TLCD3B: variants seen among roughly 807,000 people sequenced by gnomAD.
TLCD3B encodes the protein ceramide synthase.
A neutral mutation model predicts 23.0 loss-of-function variants in TLCD3B; 9 were observed. The ratio of observed to expected loss-of-function variants is 0.39; its 90% CI spans 0.24 to 0.68. The LOEUF (loss-of-function observed/expected upper bound fraction) is 0.68. Ranked by LOEUF, TLCD3B falls within the 30% of genes least tolerant of loss-of-function variation. The probability of loss-of-function intolerance (pLI) is 0.44; values close to 1 mark genes in which losing one functional copy is unlikely to be tolerated. For synonymous variants in TLCD3B, 161 were observed against 161.0 expected (o/e 1.00, Z 0.00); for missense variants, 307 against 371.8 (o/e 0.83, Z 1.43).
intron 3 of TLCD3B, among the ~76,000 whole-genome samples, chr16:30,040,655 TTTC>T (rs2150993528): frequency 1.3e-5 from 2 of 151,424 alleles, no homozygotes; most frequent in South Asian, 4.2e-4. Flanking sequence ...TTATTTTCTT[TTTC>T]TTTTTTTTTA....
At chr16:30,028,635 C>T (rs533071822) in intron 2 of TLCD3B, among the ~76,000 whole-genome samples, 1 of 152,318 alleles carries the variant, frequency 6.6e-6, no homozygotes, top group African/African-American at 2.4e-5. Flanking sequence ...GAAGAGGCAA[C>T]TCATCTTCGG....
chr16:30,050,915 T>C (rs2071739461), intron 1 of TLCD3B, among the ~76,000 whole-genome samples: 1 of 152,142 alleles, frequency 6.6e-6, no homozygotes, highest in African/African-American at 2.4e-5. Context: ...GTCGGAGGCC[T>C]CCATAGAGAG....
intron 2 of TLCD3B, chr16:30,027,098 GGAAAA>G (rs754975943): frequency 4.6e-5 from 28 of 602,726 alleles, no homozygotes; most frequent in South Asian, 1.2e-4. Flanking sequence ...TATAGTCGGG[GGAAAA>G]GAAAAGACCA....
Position 30,025,221 on chromosome 16 carries a change from G to C in TLCD3B, c.787C>G (p.Arg263Gly). ...CRGACRLFWP[R>G]SRPPPACQAQ... is the part of the protein sequence containing the mutation. Reference sequence around the variant, plus strand: ...TGGCAGGCCGGGGGCGGCCGGGAGCGGGGCCAGAAGAGGCGGCAGGCCCCA... The same window carrying C: ...TGGCAGGCCGGGGGCGGCCGGGAGCCGGGCCAGAAGAGGCGGCAGGCCCCA... The change falls in exon 5 of 5, where the codon CGC becomes GGC. Residue 263 changes from arginine (R) to glycine (G), a missense_variant. Physicochemically the swap from Arg to Gly is moderately radical, Grantham distance 125 (BLOSUM62 -2). Coordinates refer to ENST00000380495, the MANE Select transcript of TLCD3B (RefSeq NM_031478.6). This position sits in a 1 kb window ranked among gnomAD's most constrained non-coding sequence, Gnocchi z 4.1. The C allele has an allele frequency of 1.3e-6, 2 of 1,506,934 alleles. No individual in the cohort carries two copies. The highest frequency in any genetic ancestry group is 5.0e-5 in the East Asian group (2 of 40,284). 93.3% of individuals were successfully genotyped at this position (1,506,934 alleles called of 1,614,324 possible). A position where few individuals can be genotyped will look rare whatever the true frequency, so the allele number is the denominator to read the frequency against.
chr16:30,045,394 T>A, intron 2 of TLCD3B, among the ~76,000 whole-genome samples: 1 of 133,224 alleles, frequency 7.5e-6, no homozygotes, highest in South Asian at 2.4e-4. Context: ...TGCGTGGGTA[T>A]GGTGTGTGTG....
intron 2 of TLCD3B, among the ~76,000 whole-genome samples, chr16:30,028,763 T>C (rs2071254006): frequency 6.6e-6 from 1 of 152,144 alleles, no homozygotes; most frequent in Non-Finnish European, 1.5e-5. Context: ...GGGGGCGTTG[T>C]GGGCACCTCT....
Position 30,030,726 on chromosome 16 carries a change from C to T in TLCD3B, c.-199G>A. 1.4e-6 allele frequency: 1 copy of T among 722,176 alleles called. No homozygotes were observed. The highest frequency in any genetic ancestry group is 1.6e-6 in the Non-Finnish European group (1 of 643,812). 44.7% of individuals were successfully genotyped at this position (722,176 alleles called of 1,614,324 possible). On this transcript the variant is annotated 5_prime_UTR_variant, in exon 1 of 5. Transcript: ENST00000380495. ...AACTGGGGAGTCGGGAGGGGGCTGG[C>T]TGGGCAGAGACGGGGGAGGGGAGGA... is the stretch of plus-strand genomic sequence containing the variant.
At chr16:30,045,357 GTGTGTGTGTGGTT>G (rs1441942070) in intron 2 of TLCD3B, among the ~76,000 whole-genome samples, 2 of 137,994 alleles carry the variant, frequency 1.4e-5, no homozygotes, top group African/African-American at 5.4e-5. Flanking sequence ...TGTGTGGTGT[GTGTGTGTGTGGTT>G]TGTGTGTGTG....
chr16:30,032,453 G>T (rs2071383767), upstream of TLCD3B, among the ~76,000 whole-genome samples: 1 of 152,064 alleles, frequency 6.6e-6, no homozygotes, highest in African/African-American at 2.4e-5. Context: ...GAAGTCTCAC[G>T]CTGATTTAGA....
chr16:30,050,250 C>T (rs1373099305), intron 1 of TLCD3B, among the ~76,000 whole-genome samples: 1 of 152,084 alleles, frequency 6.6e-6, no homozygotes, highest in African/African-American at 2.4e-5. Flanking sequence ...ACAATAAGAC[C>T]GCCCAAGGCC....
intron 2 of TLCD3B, among the ~76,000 whole-genome samples, chr16:30,027,327 G>C (rs4238960): frequency 0.46 from 70,369 of 151,626 alleles, 16,477 homozygotes; most frequent in African/African-American, 0.51. Context: ...CCCATGCATA[G>C]CCTTATTTAC....
upstream of TLCD3B, among the ~76,000 whole-genome samples, chr16:30,034,538 C>G (rs2071429036): frequency 6.6e-6 from 1 of 152,092 alleles, no homozygotes; most frequent in Admixed American, 6.6e-5. Context: ...CACTGCACTC[C>G]AGCCTAGGCA....
At position 30,026,272 on chromosome 16, in the gene TLCD3B, A is replaced by G. The variant is rs2071128942; in HGVS notation, c.444+337T>C. 2.0e-5 allele frequency among the ~76,000 whole-genome samples: 3 copies of G among 152,062 alleles called. No homozygotes were observed. The South Asian group carries it at 6.2e-4, about 32-fold the overall frequency. On this transcript the variant is annotated intron_variant, in intron 3 of 4. Transcript: ENST00000380495. The stretch of plus-strand genomic sequence containing the variant: ...AAGAGAAAGAACACCTGGGTGCAGG[A>G]GCAGGTGCATGACTTGGCTGCATCC...
intron 3 of TLCD3B, among the ~76,000 whole-genome samples, chr16:30,037,757 T>G (rs1282307359): frequency 6.6e-6 from 1 of 151,932 alleles, no homozygotes; most frequent in African/African-American, 2.4e-5. Context: ...TAGTCCTAAG[T>G]AATTATTGAT....
Position 30,029,584 on chromosome 16 carries a change from T to TAGACTAGCAACGAG in TLCD3B, c.126-70_126-69insCTCGTTGCTAGTCT. On this transcript the variant is annotated intron_variant, in intron 1 of 4. Transcript: ENST00000380495. The surrounding 1 kb of genome is among the most constrained non-coding windows in gnomAD (Gnocchi z 4.6). ...GGCGTGTGCCTTGATTTCTCCTCGT[T>TAGACTAGCAACGAG]GCTAGTCTAACGACTGCGCTTTGCG... 7.5e-7 allele frequency: 1 copy of TAGACTAGCAACGAG among 1,340,536 alleles called. No homozygotes were observed. Among genetic ancestry groups the TAGACTAGCAACGAG allele is most frequent in the Non-Finnish European group, 1.1e-6 (1 of 944,832 alleles). The allele number at this position is 1,340,536 out of a possible 1,614,324, so 83.0% of individuals were successfully genotyped here. A position where few individuals can be genotyped will look rare whatever the true frequency, so the allele number is the denominator to read the frequency against.
upstream of TLCD3B, chr16:30,053,033 G>A (rs1432334252): frequency 2.0e-5 from 3 of 152,330 alleles, no homozygotes; most frequent in African/African-American, 7.2e-5. Flanking sequence ...AAGCTTAGGC[G>A]GGAAGAGGGA....
intron 3 of TLCD3B, among the ~76,000 whole-genome samples, chr16:30,039,023 AG>A (rs1567307279): frequency 2.0e-5 from 3 of 150,824 alleles, no homozygotes; most frequent in Admixed American, 1.3e-4. Context: ...TTTAAAAAGG[AG>A]GGAAAAAACA....
intron 3 of TLCD3B, 45 bp downstream of exon 3, chr16:30,026,564 G>A (rs1250050098): frequency 6.4e-7 from 1 of 1,555,844 alleles, no homozygotes; most frequent in Non-Finnish European, 8.8e-7. Context: ...CAGGACCAAG[G>A]AGCAGGCCAC....
chr16:30,030,278 G>A, intron 1 of TLCD3B, 125 bp downstream of exon 1: 1 of 1,181,484 alleles, frequency 8.5e-7, no homozygotes, highest in Non-Finnish European at 1.2e-6. Context: ...TGGGGGTAAA[G>A]CCCCGGACCC....
Sources: allele counts gnomAD v4.1 joint callset (sites outside exome capture counted in the v4.1 genomes callset), GRCh38; gene constraint gnomAD v4.1.1; non-coding constraint Gnocchi (gnomAD v3.1); transcripts MANE v1.5; gene names NCBI Gene and HGNC (gene_info 2026-07-23, HGNC 2026-07-21).